The following SPEG variants were observed in gnomAD, a reference collection of about 807,000 sequenced individuals.
SPEG encodes the protein striated muscle preferentially expressed protein kinase.
Under a neutral mutation model 300.4 loss-of-function variants are expected in SPEG, and 114 were observed. The ratio of observed to expected loss-of-function variants is 0.38; its 90% CI spans 0.33 to 0.44. The LOEUF (loss-of-function observed/expected upper bound fraction) is 0.44. Among genes scored for constraint, SPEG ranks in the 20% least tolerant of loss-of-function variants. SPEG has a pLI of 1.00. For missense variants in SPEG, 4,201 were observed against 4,586.2 expected (o/e 0.92, Z 2.43); for synonymous variants, 1,964 against 2,018.9 (o/e 0.97, Z 0.73).
At chr2:219,460,721 C>T (rs1008220288) in intron 6 of SPEG, 21 of 981,804 alleles carry the variant, frequency 2.1e-5, no homozygotes, top group Admixed American at 6.2e-5. Context: ...CCTGTGGTCT[C>T]GGCAGGCACC....
chr2:219,478,254 C>A, intron 22 of SPEG, 149 bp downstream of exon 22: 1 of 679,780 alleles, frequency 1.5e-6, no homozygotes. Context: ...TGAAAACCAA[C>A]AGTTTTAAGC....
intron 13 of SPEG, among the ~76,000 whole-genome samples, chr2:219,470,846 T>C: frequency 6.6e-6 from 1 of 152,064 alleles, no homozygotes; most frequent in East Asian, 1.9e-4. Context: ...TTTTGTAGAG[T>C]TGTTGCAAGG....
Position 219,484,003 on chromosome 2 carries a change from G to C in SPEG, c.6540G>C (p.Arg2180=), listed in dbSNP as rs1432232041. The change falls in exon 30 of 41, where the codon CGG becomes CGC. Residue 2180 remains arginine, a synonymous_variant. Coordinates refer to ENST00000312358, the MANE Select transcript of SPEG (RefSeq NM_005876.5). ...AGGCCCAGCCATCCAGCCCTGCACG[G>C]CCCAGCGCCCCCAAACCCAGTACCC... The part of the protein sequence containing the change: ...LSEAQPSSPA[R]PSAPKPSTPK... 6.2e-7 allele frequency: 1 copy of C among 1,612,520 alleles called. No individual in the cohort carries two copies. The highest frequency in any genetic ancestry group is 8.5e-7 in the Non-Finnish European group (1 of 1,179,840).
At chr2:219,490,321 G>A (rs1693845195) in intron 36 of SPEG, 88 bp from the exon 37 acceptor site, 1 of 1,513,632 alleles carries the variant, frequency 6.6e-7, no homozygotes. Context: ...TGCCCCTAGG[G>A]GTCCCTGCTC....
intron 1 of SPEG, among the ~76,000 whole-genome samples, chr2:219,436,093 C>T (rs1954711208): frequency 6.6e-6 from 1 of 152,204 alleles, no homozygotes; most frequent in South Asian, 2.1e-4. Flanking sequence ...ATGGGAAGCT[C>T]CTGGACCATG....
Position 219,449,090 on chromosome 2 carries a change from C to G in SPEG, c.1932C>G (p.Ala644=), listed in dbSNP as rs760554860. ...AGGCCGTGCGCTTCCTGCCCTGGGC[C>G]ACGCCGGGCCTGGAGGGCGCTGCTG... ...PAQAVRFLPW[A]TPGLEGAAVP... Residue 644 remains alanine, a synonymous_variant, in exon 4 of 41, where the codon GCC becomes GCG. Transcript: ENST00000312358. 1.3e-6 allele frequency: 2 copies of G among 1,503,906 alleles called. No individual in the cohort carries two copies. Among genetic ancestry groups the G allele is most frequent in the South Asian group, 2.5e-5 (2 of 78,902 alleles). 93.2% of individuals were successfully genotyped at this position (1,503,906 alleles called of 1,614,324 possible).
Position 219,485,489 on chromosome 2 carries a change from C to T in SPEG, c.7741+12C>T. ...GCGCAGTGAGTCAGGTAATAAGAGG[C>T]CTGCTGGGTGAGGACCCTCCTCCCC... On this transcript the variant is annotated intron_variant, in intron 31 of 40. Transcript: ENST00000312358. The T allele has an allele frequency of 6.5e-7, 1 of 1,548,000 alleles. No homozygotes were observed. Among genetic ancestry groups the T allele is most frequent in the Non-Finnish European group, 8.7e-7 (1 of 1,145,600 alleles).
intron 4 of SPEG, 31 bp downstream of exon 4, chr2:219,449,302 CTGAACCCCCGTCGGGGGGCGTT>C (rs1689559072): frequency 2.2e-6 from 3 of 1,352,670 alleles, no homozygotes; most frequent in Non-Finnish European, 2.9e-6. Context: ...GACAAGGTGC[CTGAACCCCCGTCGGGGGGCGTT>C]TGTGGAGAGC....
chr2:219,491,767 G>A, intron 38 of SPEG, 27 bp from the exon 39 acceptor site: 1 of 1,607,134 alleles, frequency 6.2e-7, no homozygotes, highest in Non-Finnish European at 8.5e-7. Context: ...AGGAAGCTGG[G>A]TCAGCTTGGC....
chr2:219,489,584 C>T lies in SPEG; in HGVS notation c.8566C>T (p.Arg2856Trp), dbSNP rs749419099. 8.7e-6 allele frequency: 14 copies of T among 1,613,464 alleles called. No homozygotes were observed. The highest frequency in any genetic ancestry group is 4.0e-5 in the African/African-American group (3 of 74,890). ...PRRHRGLQAA[R>W]PAEPTLPSTH... ...AAGACACAGGGGCCTGCAGGCTGCC[C>T]GGCCAGCGGAGCCCACCCTACCCAG... Residue 2856 changes from arginine (R) to tryptophan (W), a missense_variant, in exon 36 of 41, where the codon CGG becomes TGG. Around this residue, in one of 4 missense-constraint regions of SPEG, gnomAD observed 1,578 missense variants for 1,506.0 expected, o/e 1.05. Transcript: ENST00000312358.
chr2:219,468,637 C>T lies in SPEG; in HGVS notation c.3202C>T (p.Arg1068Trp), dbSNP rs200437079. ...GCCCTCGTTGGCACCCCTGTTCACA[C>T]GGCTGCTGGAAGATGTGGAGGTGTT... is the stretch of plus-strand genomic sequence containing the variant. ...VRPSLAPLFT[R>W]LLEDVEVLEG... Residue 1068 changes from arginine to tryptophan, a missense_variant, in exon 11 of 41, where the codon CGG becomes TGG. By Grantham distance (101) the Arg-to-Trp change is moderately radical. This residue lies in a region of SPEG where 1,047 missense variants were observed against 1,356.8 expected (regional missense o/e 0.77). Coordinates refer to ENST00000312358, the MANE Select transcript of SPEG (RefSeq NM_005876.5). The T allele has an allele frequency of 2.1e-4, 338 of 1,613,914 alleles. No individual in the cohort carries two copies. Among genetic ancestry groups the T allele is most frequent in the Non-Finnish European group, 2.5e-4 (299 of 1,180,002 alleles).
Position 219,483,402 on chromosome 2 carries a change from C to T in SPEG, c.5939C>T (p.Pro1980Leu). Residue 1980 changes from proline (P) to leucine (L), a missense_variant, in exon 30 of 41, where the codon CCC becomes CTC. Physicochemically the swap from Pro to Leu is moderately conservative, Grantham distance 98 (BLOSUM62 -3). Coordinates refer to ENST00000312358, the MANE Select transcript of SPEG (RefSeq NM_005876.5). ...PMDWQEQGRAPSQDQEAPSPE... is the reference protein window; with the variant it reads ...PMDWQEQGRALSQDQEAPSPE... Reference sequence around the variant, plus strand: ...GACTGGCAGGAGCAGGGAAGGGCTCCCTCTCAGGACCAGGAGGCTCCCAGC... The same window carrying T: ...GACTGGCAGGAGCAGGGAAGGGCTCTCTCTCAGGACCAGGAGGCTCCCAGC... 1 of 1,590,382 alleles carries T rather than the reference C, an allele frequency of 6.3e-7. No individual in the cohort carries two copies. The highest frequency in any genetic ancestry group is 1.1e-5 in the South Asian group (1 of 88,246).
Position 219,473,987 on chromosome 2 carries a change from A to G in SPEG, c.4447+84A>G. ...CACCCCCAGGTACACAACCTGCCTGACACTGCTGCAGATCCAAACCCATGT... is the reference window on the plus strand; with the variant it reads ...CACCCCCAGGTACACAACCTGCCTGGCACTGCTGCAGATCCAAACCCATGT... On this transcript the variant is annotated intron_variant, in intron 18 of 40. Coordinates refer to ENST00000312358, the MANE Select transcript of SPEG (RefSeq NM_005876.5). The surrounding 1 kb of genome is among the most constrained non-coding windows in gnomAD (Gnocchi z 4.6). 1 of 1,430,854 alleles carries G rather than the reference A, an allele frequency of 7.0e-7. No homozygotes were observed. The highest frequency in any genetic ancestry group is 9.4e-7 in the Non-Finnish European group (1 of 1,058,982). The allele number at this position is 1,430,854 out of a possible 1,614,324, so 88.6% of individuals were successfully genotyped here. A position where few individuals can be genotyped will look rare whatever the true frequency, so the allele number is the denominator to read the frequency against.
rs762081593 is a variant in SPEG, at chr2:219,492,163, C to G, written c.9514C>G (p.Arg3172Gly). 6.2e-7 allele frequency: 1 copy of G among 1,613,650 alleles called. No individual in the cohort carries two copies. Among genetic ancestry groups the G allele is most frequent in the Non-Finnish European group, 8.5e-7 (1 of 1,179,926 alleles). The change falls in exon 40 of 41, where the codon CGG (arginine) becomes GGG (glycine). Residue 3172 changes from arginine (R) to glycine (G), a missense_variant. Coordinates refer to ENST00000312358, the MANE Select transcript of SPEG (RefSeq NM_005876.5). ...YEPDPQETEA[R>G]IVGGRFDAFQ... is the part of the protein sequence containing the mutation. ...GCCAGACCCCCAGGAAACGGAGGCT[C>G]GGATTGTGGGGGGCCGCTTTGATGC...
intron 1 of SPEG, among the ~76,000 whole-genome samples, chr2:219,440,956 A>G (rs1478686973): frequency 1.3e-5 from 2 of 152,248 alleles, no homozygotes; most frequent in Non-Finnish European, 2.9e-5. Flanking sequence ...GGACACATGG[A>G]GTCCTAGAAC....
chr2:219,461,559 C>T, intron 6 of SPEG: 2 of 1,195,624 alleles, frequency 1.7e-6, no homozygotes, highest in Non-Finnish European at 2.1e-6. Context: ...AATGTGGGTG[C>T]CCTGCTCCAG....
At position 219,477,250 on chromosome 2, in the gene SPEG, G is replaced by C. The variant is rs201028653; in HGVS notation, c.4561-27G>C. On this transcript the variant is annotated intron_variant, in intron 19 of 40. Coordinates refer to ENST00000312358, the MANE Select transcript of SPEG (RefSeq NM_005876.5). This position sits in a 1 kb window ranked among gnomAD's most constrained non-coding sequence, Gnocchi z 6.4. Reference sequence around the variant, plus strand: ...CAAGGTAGAGATGAGGCCAGGCCCAGGCTGAAGGTGAGACCCCACTCTGCA... The same window carrying C: ...CAAGGTAGAGATGAGGCCAGGCCCACGCTGAAGGTGAGACCCCACTCTGCA... 312 of 1,362,894 alleles carry C rather than the reference G, an allele frequency of 2.3e-4. 1 individual carries two copies. The highest frequency in any genetic ancestry group is 3.0e-4 in the Non-Finnish European group (303 of 997,920). 84.4% of individuals were successfully genotyped at this position (1,362,894 alleles called of 1,614,324 possible).
At position 219,448,749 on chromosome 2, in the gene SPEG, G is replaced by A. The variant is rs1689511099; in HGVS notation, c.1591G>A (p.Gly531Ser). ...GCGTGCCCCATCCCCTCGAGAGCCC[G>A]GCGAGCCCCCGCTCTTCTCTCGGCC... ...LQRAPSPREP[G>S]EPPLFSRPST... The change falls in exon 4 of 41, where the codon GGC becomes AGC. Residue 531 changes from glycine to serine, a missense_variant. By Grantham distance (56) the Gly-to-Ser change is moderately conservative. Around this residue, in one of 4 missense-constraint regions of SPEG, gnomAD observed 1,258 missense variants for 1,293.9 expected, o/e 0.97. Transcript: ENST00000312358. 2.7e-6 allele frequency: 4 copies of A among 1,471,772 alleles called. No homozygotes were observed. Among genetic ancestry groups the A allele is most frequent in the Middle Eastern group, 2.4e-4 (1 of 4,190 alleles). 91.2% of individuals were successfully genotyped at this position (1,471,772 alleles called of 1,614,324 possible). A position where few individuals can be genotyped will look rare whatever the true frequency, so the allele number is the denominator to read the frequency against.
At position 219,488,304 on chromosome 2, in the gene SPEG, A is replaced by G. The variant is rs1693630060; in HGVS notation, c.7852A>G (p.Met2618Val). Residue 2618 changes from methionine to valine, a missense_variant, in exon 32 of 41, where the codon ATG becomes GTG. This residue lies in a region of SPEG where 1,578 missense variants were observed against 1,506.0 expected (regional missense o/e 1.05). Coordinates refer to ENST00000312358, the MANE Select transcript of SPEG (RefSeq NM_005876.5). ...CTGCCCTGCACCGCACATCTCCTGG[A>G]TGAAAGGTAAGGAGACTCTGTCTCC... is the stretch of plus-strand genomic sequence containing the variant. ...AACPAPHISWMKDKKSLRSEP... is the reference protein window; with the variant it reads ...AACPAPHISWVKDKKSLRSEP... 1 of 1,607,668 alleles carries G rather than the reference A, an allele frequency of 6.2e-7. No individual in the cohort carries two copies.
Sources: gnomAD v4.1 joint callset for allele counts (sites outside exome capture counted in the v4.1 genomes callset) on GRCh38, gnomAD v4.1.1 for gene constraint, gnomAD v4.1.1 regional missense constraint, Gnocchi (gnomAD v3.1) non-coding constraint, MANE v1.5 for transcripts, NCBI Gene and HGNC (gene_info 2026-07-23, HGNC 2026-07-21) for gene names.